DPP6: variants seen among roughly 807,000 people sequenced by gnomAD.
The protein encoded by DPP6 is A-type potassium channel modulatory protein DPP6.
A neutral mutation model predicts 122.6 loss-of-function variants in DPP6; 69 were observed. The observed-to-expected ratio is 0.56, with a 90% CI of 0.46 to 0.69. The LOEUF (loss-of-function observed/expected upper bound fraction) is 0.69. Among genes scored for constraint, DPP6 ranks in the 30% least tolerant of loss-of-function variants. The probability of loss-of-function intolerance (pLI) is 0.00; values close to 1 mark genes in which losing one functional copy is unlikely to be tolerated. For synonymous variants in DPP6, 418 were observed against 433.1 expected, an observed-to-expected ratio of 0.97 and a Z score of 0.43; for missense variants, 928 against 1,116.9, an observed-to-expected ratio of 0.83 and a Z score of 2.41.
intron 1 of DPP6, among the ~76,000 whole-genome samples, chr7:154,434,908 C>T (rs954645046): frequency 6.6e-6 from 1 of 152,150 alleles, no homozygotes; most frequent in Non-Finnish European, 1.5e-5. Flanking sequence ...AATCTCGGCT[C>T]ACTGCAACCT....
chr7:154,577,928 G>T (rs1831789027), intron 5 of DPP6, among the ~76,000 whole-genome samples: 1 of 152,098 alleles, frequency 6.6e-6, no homozygotes, highest in Non-Finnish European at 1.5e-5. Flanking sequence ...TCTACTTGAT[G>T]GTTACAGCAT....
chr7:154,024,884 C>T (rs1798897128), intron 1 of DPP6, among the ~76,000 whole-genome samples: 1 of 152,162 alleles, frequency 6.6e-6, no homozygotes, highest in Admixed American at 6.5e-5. Flanking sequence ...CTTCACCTTC[C>T]ATTTATGTGG....
chr7:154,060,343 C>A (rs1364780519), intron 1 of DPP6, among the ~76,000 whole-genome samples: 2 of 134,012 alleles, frequency 1.5e-5, no homozygotes, highest in African/African-American at 2.7e-5. Flanking sequence ...GGAGGCACCC[C>A]CCGCGAGGCA....
intron 1 of DPP6, among the ~76,000 whole-genome samples, chr7:154,078,357 C>T (rs1335238393): frequency 4.2e-5 from 3 of 71,550 alleles, no homozygotes; most frequent in African/African-American, 2.4e-4. Flanking sequence ...TATGTACACA[C>T]ACACACACAC....
intron 1 of DPP6, among the ~76,000 whole-genome samples, chr7:154,386,624 C>A (rs748412738): frequency 6.6e-6 from 1 of 152,076 alleles, no homozygotes; most frequent in Admixed American, 6.5e-5. Context: ...GAGGATCCAA[C>A]AGGAAGGCAA....
chr7:153,856,741 T>C, the DPP6 span, among the ~76,000 whole-genome samples: 1 of 152,210 alleles, frequency 6.6e-6, no homozygotes, highest in African/African-American at 2.4e-5. Context: ...TAGGGTCAAG[T>C]GCTAATGACT....
chr7:154,471,204 T>C (rs1822243485), intron 2 of DPP6, among the ~76,000 whole-genome samples: 1 of 151,980 alleles, frequency 6.6e-6, no homozygotes, highest in South Asian at 2.1e-4. Flanking sequence ...TGAGCCAAGA[T>C]TGCGCCACCA....
chr7:154,630,167 A>C (rs1277542680), intron 5 of DPP6, among the ~76,000 whole-genome samples: 1 of 152,150 alleles, frequency 6.6e-6, no homozygotes, highest in Non-Finnish European at 1.5e-5. Context: ...ACTGCCTAAT[A>C]GTAGTAGCTG....
At chr7:154,783,054 G>T (rs1030759666) in intron 10 of DPP6, among the ~76,000 whole-genome samples, 2 of 152,168 alleles carry the variant, frequency 1.3e-5, no homozygotes, top group African/African-American at 4.8e-5. Context: ...AAAGTGCTGG[G>T]ACATGCGGTT....
chr7:154,655,755 C>T (rs1362589009), intron 6 of DPP6, among the ~76,000 whole-genome samples: 1 of 152,188 alleles, frequency 6.6e-6, no homozygotes, highest in Non-Finnish European at 1.5e-5. Context: ...CGCAGGAAGC[C>T]GGCTCAGGCC....
chr7:154,300,454 A>G (rs1246997860), intron 1 of DPP6, among the ~76,000 whole-genome samples: 1 of 152,208 alleles, frequency 6.6e-6, no homozygotes, highest in Non-Finnish European at 1.5e-5. Flanking sequence ...CTTCCTAGAC[A>G]CAAAGGGAGG....
At chr7:154,707,239 T>G (rs964005528) in intron 7 of DPP6, among the ~76,000 whole-genome samples, 3 of 152,200 alleles carry the variant, frequency 2.0e-5, no homozygotes, top group Non-Finnish European at 4.4e-5. Context: ...TTTGAAAGTG[T>G]TTTATAACCT....
chr7:154,853,391 A>C (rs1802558138), intron 16 of DPP6, among the ~76,000 whole-genome samples: 1 of 152,276 alleles, frequency 6.6e-6, no homozygotes. Flanking sequence ...AGGAGCCAGC[A>C]GACTTAGCAC....
chr7:154,071,259 C>T (rs994909168), intron 1 of DPP6, among the ~76,000 whole-genome samples: 1 of 152,122 alleles, frequency 6.6e-6, no homozygotes, highest in African/African-American at 2.4e-5. Flanking sequence ...GTGTGCCAGG[C>T]ATTTTCTCTT....
At chr7:154,287,950 G>C (rs1168299094) in intron 1 of DPP6, among the ~76,000 whole-genome samples, 1 of 152,190 alleles carries the variant, frequency 6.6e-6, no homozygotes, top group Admixed American at 6.5e-5. Context: ...CACTGCAATA[G>C]TCTTTCTTCT....
At chr7:154,656,547 A>G (rs1458387080) in intron 6 of DPP6, among the ~76,000 whole-genome samples, 1 of 152,208 alleles carries the variant, frequency 6.6e-6, no homozygotes, top group Non-Finnish European at 1.5e-5. Context: ...GAAGATCTTC[A>G]GAGAAGCAAT....
the DPP6 span, among the ~76,000 whole-genome samples, chr7:153,862,420 G>T: frequency 6.6e-6 from 1 of 152,100 alleles, no homozygotes; most frequent in Non-Finnish European, 1.5e-5. Context: ...AGGGTTATTT[G>T]CCTCTCACCT....
intron 2 of DPP6, among the ~76,000 whole-genome samples, chr7:154,450,468 G>A (rs1563690833): frequency 1.3e-5 from 2 of 152,218 alleles, no homozygotes. Flanking sequence ...AGATGGGAAA[G>A]CTGTTGGGGG....
At chr7:153,856,987 T>C in the DPP6 span, among the ~76,000 whole-genome samples, 1 of 152,216 alleles carries the variant, frequency 6.6e-6, no homozygotes, top group East Asian at 1.9e-4. Flanking sequence ...TCAAAACGTC[T>C]GAATAATGTT....
Sources: gnomAD v4.1 joint callset for allele counts (sites outside exome capture counted in the v4.1 genomes callset) on GRCh38, gnomAD v4.1.1 for gene constraint, MANE v1.5 for transcripts, NCBI Gene and HGNC (gene_info 2026-07-23, HGNC 2026-07-21) for gene names.